IQSEC1: variants seen among roughly 807,000 people sequenced by gnomAD.
IQSEC1 encodes IQ motif and SEC7 domain-containing protein 1.
A neutral mutation model predicts 91.0 loss-of-function variants in IQSEC1; 31 were observed. The observed-to-expected ratio is 0.34, with a 90% CI of 0.26 to 0.46. The LOEUF (loss-of-function observed/expected upper bound fraction) is 0.46, where lower values mean the gene tolerates loss of function less well. IQSEC1 is among the 20% of genes least tolerant of loss of function. The pLI is 1.00. For synonymous variants in IQSEC1, 699 were observed against 662.6 expected, an observed-to-expected ratio of 1.05 and a Z score of -0.84; for missense variants, 1,388 against 1,575.6, an observed-to-expected ratio of 0.88 and a Z score of 2.02.
chr3:12,977,270 C>A (rs1182813980), intron 1 of IQSEC1, among the ~76,000 whole-genome samples: 1 of 151,816 alleles, frequency 6.6e-6, no homozygotes, highest in Non-Finnish European at 1.5e-5. Flanking sequence ...ATCAGCTGAG[C>A]CCAAGAGTTC....
chr3:13,254,214 T>G (rs1695247665), intron 1 of IQSEC1, among the ~76,000 whole-genome samples: 1 of 152,216 alleles, frequency 6.6e-6, no homozygotes, highest in African/African-American at 2.4e-5. Context: ...AGCCTGGCCT[T>G]GGTTTGATTG....
At chr3:13,059,029 C>A (rs1704976527) in intron 1 of IQSEC1, among the ~76,000 whole-genome samples, 1 of 152,006 alleles carries the variant, frequency 6.6e-6, no homozygotes, top group South Asian at 2.1e-4. Flanking sequence ...ATGGTGCCAG[C>A]CTCTGACACA....
At chr3:13,180,003 CT>C (rs543602649) in intron 1 of IQSEC1, among the ~76,000 whole-genome samples, 4,962 of 152,310 alleles carry the variant, frequency 0.033, 265 homozygotes, top group African/African-American at 0.11. Flanking sequence ...CCCACCCCCT[CT>C]CCGTGGGCTC....
intron 2 of IQSEC1, among the ~76,000 whole-genome samples, chr3:13,126,228 G>A (rs1476766011): frequency 1.3e-5 from 2 of 152,150 alleles, no homozygotes; most frequent in African/African-American, 4.8e-5. Context: ...CTTGCCTCTA[G>A]AAGGATTAGT....
intron 1 of IQSEC1, among the ~76,000 whole-genome samples, chr3:13,070,954 A>G (rs1705395464): frequency 6.6e-6 from 1 of 152,224 alleles, no homozygotes; most frequent in Admixed American, 6.5e-5. Context: ...ATTGGAATCC[A>G]TATAGAACAT....
chr3:13,245,880 G>A (rs528560250), intron 1 of IQSEC1, among the ~76,000 whole-genome samples: 12 of 152,076 alleles, frequency 7.9e-5, no homozygotes, highest in African/African-American at 2.9e-4. Flanking sequence ...ACTGGGATTT[G>A]TTTTTCACTC....
intron 1 of IQSEC1, among the ~76,000 whole-genome samples, chr3:13,208,357 C>T (rs1694382016): frequency 6.6e-6 from 1 of 152,074 alleles, no homozygotes; most frequent in Admixed American, 6.6e-5. Context: ...GCGTCTTCTC[C>T]AGCCCCAGAT....
At chr3:13,142,479 T>C (rs1706817410) in intron 2 of IQSEC1, among the ~76,000 whole-genome samples, 1 of 152,176 alleles carries the variant, frequency 6.6e-6, no homozygotes, top group Non-Finnish European at 1.5e-5. Context: ...TGGAGATGGC[T>C]TCCCAGCCCC....
At position 12,899,219 on chromosome 3, in the gene IQSEC1, GAC is replaced by G; in HGVS notation, c.*1762_*1763del. The stretch of plus-strand genomic sequence containing the variant: ...CCCTGGCCAGCCAGCCAGCCAAGGT[GAC>G]ACACAGCCAGAGGGGGCTCCCCTCT... On this transcript the variant is annotated 3_prime_UTR_variant, in exon 14 of 14. Coordinates refer to ENST00000613206, the MANE Select transcript of IQSEC1 (RefSeq NM_001134382.3). 2.9e-6 allele frequency: 2 copies of G among 689,644 alleles called. No homozygotes were observed. Among genetic ancestry groups the G allele is most frequent in the Admixed American group, 2.9e-5 (1 of 33,984 alleles). 42.7% of individuals were successfully genotyped at this position (689,644 alleles called of 1,614,324 possible). A position where few individuals can be genotyped will look rare whatever the true frequency, so the allele number is the denominator to read the frequency against.
intron 1 of IQSEC1, among the ~76,000 whole-genome samples, chr3:13,181,569 G>A (rs1041002412): frequency 6.6e-6 from 1 of 152,180 alleles, no homozygotes; most frequent in Non-Finnish European, 1.5e-5. Flanking sequence ...ACTATACTAA[G>A]CAGAGATGTT....
At chr3:13,012,963 G>GTTTTTTTTTTTT (rs1269672691) in intron 1 of IQSEC1, among the ~76,000 whole-genome samples, 6 of 40,936 alleles carry the variant, frequency 1.5e-4, no homozygotes, top group African/African-American at 9.5e-4. Context: ...GAAAGTCTGG[G>GTTTTTTTTTTTT]CTTTTTTTTT....
In IQSEC1 at chr3:12,979,087, G is replaced by A. The variant is rs1235094101; in HGVS notation, c.24-37222C>T. On this transcript the variant is annotated intron_variant, in intron 1 of 13. Transcript: ENST00000613206. This position sits in a 1 kb window ranked among gnomAD's most constrained non-coding sequence, Gnocchi z 4.3. ...CCTGTGAGGGTGTAAGCAGGAGTGG[G>A]AGTGACCTGGGTTTAGTTTTCCCAA... is the stretch of plus-strand genomic sequence containing the variant. Among the ~76,000 whole-genome samples the A allele has an allele frequency of 6.6e-6, 1 of 152,218 alleles. No homozygotes were observed. Among genetic ancestry groups the A allele is most frequent in the African/African-American group, 2.4e-5 (1 of 41,446 alleles).
At chr3:13,109,511 G>A (rs1446279056) in intron 2 of IQSEC1, among the ~76,000 whole-genome samples, 3 of 152,180 alleles carry the variant, frequency 2.0e-5, no homozygotes, top group Non-Finnish European at 4.4e-5. Context: ...ATGTTGAAAT[G>A]TCATCCCCAA....
chr3:13,148,899 C>G (rs1222773927), intron 2 of IQSEC1, among the ~76,000 whole-genome samples: 1 of 152,266 alleles, frequency 6.6e-6, no homozygotes, highest in East Asian at 1.9e-4. Context: ...AGGGTAACCT[C>G]TCCCGCATCC....
intron 1 of IQSEC1, among the ~76,000 whole-genome samples, chr3:13,190,491 G>C (rs866187010): frequency 2.0e-5 from 3 of 151,654 alleles, no homozygotes; most frequent in South Asian, 2.1e-4. Context: ...AGGAGGTCAA[G>C]GCTGCAGTGA....
chr3:13,192,163 G>A (rs1367762849), intron 1 of IQSEC1, among the ~76,000 whole-genome samples: 2 of 151,798 alleles, frequency 1.3e-5, no homozygotes, highest in Non-Finnish European at 2.9e-5. Flanking sequence ...GTGGAACCCC[G>A]TCTCTACTAA....
chr3:12,918,312 C>G (rs1696301587), intron 6 of IQSEC1, among the ~76,000 whole-genome samples: 1 of 152,206 alleles, frequency 6.6e-6, no homozygotes, highest in Non-Finnish European at 1.5e-5. Flanking sequence ...AGGCTCCTGC[C>G]ACCCTGTCAT....
At chr3:13,138,795 CTG>C (rs1413339909) in intron 2 of IQSEC1, among the ~76,000 whole-genome samples, 1 of 151,886 alleles carries the variant, frequency 6.6e-6, no homozygotes, top group East Asian at 1.9e-4. Context: ...CCTGCCTTTG[CTG>C]TGTGCCCCCT....
rs191607067 is a variant in IQSEC1, at chr3:13,032,064, C to T, written c.23+40928G>A. ...GTTACCATTGTATCCCATTTGCTTC[C>T]TCATATTCTCCTTTCTCTACGCACA... On this transcript the variant is annotated intron_variant, in intron 1 of 13. Coordinates refer to ENST00000613206, the MANE Select transcript of IQSEC1 (RefSeq NM_001134382.3). Among the ~76,000 whole-genome samples, 12 of 152,254 alleles carry T rather than the reference C, an allele frequency of 7.9e-5. No homozygotes were observed. In the East Asian group the frequency reaches 2.3e-3, roughly 29 times the overall value.
Sources: allele counts gnomAD v4.1 joint callset (sites outside exome capture counted in the v4.1 genomes callset), GRCh38; gene constraint gnomAD v4.1.1; non-coding constraint Gnocchi (gnomAD v3.1); transcripts MANE v1.5; gene names NCBI Gene and HGNC (gene_info 2026-07-23, HGNC 2026-07-21).